ABCB4: variants seen among roughly 807,000 people sequenced by gnomAD.
ABCB4 encodes ATP binding cassette subfamily B member 4, also known as phosphatidylcholine translocator ABCB4.
Under a neutral mutation model 145.7 loss-of-function variants are expected in ABCB4, and 76 were observed. The ratio of observed to expected loss-of-function variants is 0.52; its 90% CI spans 0.43 to 0.63. ABCB4 has a LOEUF of 0.63. Ranked by LOEUF, ABCB4 falls within the 30% of genes least tolerant of loss-of-function variation. The pLI is 0.00. For missense variants in ABCB4, 1,234 were observed against 1,553.1 expected (o/e 0.79, Z 3.45); for synonymous variants, 517 against 566.8 (o/e 0.91, Z 1.25).
chr7:87,367,264 T>A, the ABCB4 span, among the ~76,000 whole-genome samples: 1 of 152,160 alleles, frequency 6.6e-6, no homozygotes, highest in Admixed American at 6.5e-5. Context: ...GATGGAAGTA[T>A]GAGAAGGTTA....
intron 4 of ABCB4, among the ~76,000 whole-genome samples, chr7:87,455,372 T>G (rs1812039345): frequency 6.6e-6 from 1 of 152,380 alleles, no homozygotes; most frequent in East Asian, 1.9e-4. Flanking sequence ...GAGCATTTAT[T>G]AAATACCAGG....
At position 87,413,647 on chromosome 7, in the gene ABCB4, A is replaced by G. The variant is rs1231534664; in HGVS notation, c.2753T>C (p.Met918Thr). The G allele has an allele frequency of 1.1e-5, 17 of 1,611,690 alleles. No individual in the cohort carries two copies. The highest frequency in any genetic ancestry group is 1.4e-5 in the Non-Finnish European group (16 of 1,178,746). ...AGGTCCATACAATTTTTCAACATAC[A>G]TTGATTCAAATTTTCTTTCCTGGGT... ...SLTQERKFES[M>T]YVEKLYGPYR... Residue 918 changes from methionine (M) to threonine (T), a missense_variant, in exon 22 of 28, where the codon ATG becomes ACG. Met to Thr is a moderately conservative substitution (Grantham distance 81). This residue lies in a region of ABCB4 where 301 missense variants were observed against 389.0 expected (regional missense o/e 0.77). Coordinates refer to ENST00000649586, the MANE Select transcript of ABCB4 (RefSeq NM_000443.4).
chr7:87,403,386 G>A (rs1258821438), intron 26 of ABCB4, 105 bp from the exon 27 acceptor site: 13 of 1,132,792 alleles, frequency 1.1e-5, no homozygotes, highest in Middle Eastern at 2.9e-4. Flanking sequence ...TTTCTATAAC[G>A]TTGTTTCAAC....
Position 87,409,487 on chromosome 7 carries a change from C to A in ABCB4, c.2925-95G>T. Reference sequence around the variant, plus strand: ...GTATAGTGCTTACCAGTATTTTTTCCCTTTACTCCTTAATCATCCCCTTTC... The same window carrying A: ...GTATAGTGCTTACCAGTATTTTTTCACTTTACTCCTTAATCATCCCCTTTC... On this transcript the variant is annotated intron_variant, in intron 23 of 27. Coordinates refer to ENST00000649586, the MANE Select transcript of ABCB4 (RefSeq NM_000443.4). 3 of 1,262,722 alleles carry A rather than the reference C, an allele frequency of 2.4e-6. No individual in the cohort carries two copies. In the South Asian group the frequency reaches 3.7e-5, roughly 15 times the overall value. 78.2% of individuals were successfully genotyped at this position (1,262,722 alleles called of 1,614,324 possible). A position where few individuals can be genotyped will look rare whatever the true frequency, so the allele number is the denominator to read the frequency against.
At chr7:87,428,777 T>C (rs1314198787) in intron 15 of ABCB4, among the ~76,000 whole-genome samples, 1 of 152,176 alleles carries the variant, frequency 6.6e-6, no homozygotes, top group Non-Finnish European at 1.5e-5. Context: ...ATCTTATAAA[T>C]AGTTAAATTT....
the ABCB4 span, chr7:87,381,856 T>C: frequency 3.0e-5 from 37 of 1,251,838 alleles, no homozygotes; most frequent in South Asian, 1.3e-5. Context: ...AAATATTGGG[T>C]CAAGTTTTAA....
the ABCB4 span, chr7:87,381,946 A>G: frequency 6.2e-7 from 1 of 1,610,846 alleles, no homozygotes; most frequent in Non-Finnish European, 8.5e-7. Flanking sequence ...GGTGAACATC[A>G]GTTATTATGT....
the ABCB4 span, among the ~76,000 whole-genome samples, chr7:87,376,286 A>G: frequency 6.6e-6 from 1 of 152,072 alleles, no homozygotes; most frequent in Non-Finnish European, 1.5e-5. Flanking sequence ...TTTCTTGCCA[A>G]AGGTGAAATG....
intron 9 of ABCB4, among the ~76,000 whole-genome samples, chr7:87,446,055 C>A (rs1452180833): frequency 6.6e-6 from 1 of 152,178 alleles, no homozygotes; most frequent in Non-Finnish European, 1.5e-5. Context: ...TAGCAAGCTT[C>A]CAAACCGACT....
Position 87,417,466 on chromosome 7 carries a change from C to A in ABCB4, c.2528G>T (p.Gly843Val), listed in dbSNP as rs1005814441. The change falls in exon 21 of 28, where the codon GGA becomes GTA. Residue 843 changes from glycine to valine, a missense_variant. Gly to Val is a moderately radical substitution (Grantham distance 109, BLOSUM62 -3). Transcript: ENST00000649586. ...ALIAQNIANL[G>V]TGIIISFIYG... ...GATAAATGATATGATAATACCAGTT[C>A]CAAGGTTAGCTATATTCTGTGCAAT... 6.2e-7 allele frequency: 1 copy of A among 1,614,126 alleles called. No homozygotes were observed. Among genetic ancestry groups the A allele is most frequent in the Non-Finnish European group, 8.5e-7 (1 of 1,180,024 alleles).
chr7:87,435,270 G>A (rs1213585535), intron 14 of ABCB4, among the ~76,000 whole-genome samples: 1 of 152,202 alleles, frequency 6.6e-6, no homozygotes, highest in Non-Finnish European at 1.5e-5. Context: ...ACCTTGCAGT[G>A]TGGAGCCAAT....
chr7:87,369,347 A>G, the ABCB4 span: 2 of 1,481,394 alleles, frequency 1.4e-6, no homozygotes, highest in Non-Finnish European at 1.9e-6. Flanking sequence ...CTTAGATTTG[A>G]GTCTTGTGTT....
At chr7:87,468,024 A>AAGG (rs1280739037) in intron 3 of ABCB4, among the ~76,000 whole-genome samples, 1 of 152,214 alleles carries the variant, frequency 6.6e-6, no homozygotes, top group African/African-American at 2.4e-5. Context: ...AAGCTAGCAG[A>AAGG]AGGCAAGAAA....
intron 7 of ABCB4, among the ~76,000 whole-genome samples, chr7:87,450,408 A>T (rs1811634442): frequency 6.6e-6 from 1 of 152,156 alleles, no homozygotes; most frequent in Non-Finnish European, 1.5e-5. Context: ...TGTAAGGTAA[A>T]ATAAAATAAA....
At chr7:87,436,700 C>T (rs538625475) in intron 14 of ABCB4, among the ~76,000 whole-genome samples, 2 of 152,202 alleles carry the variant, frequency 1.3e-5, no homozygotes, top group Admixed American at 6.5e-5. Flanking sequence ...GGAGCAGAAT[C>T]AGGCCTTAAT....
chr7:87,369,483 AG>A, the ABCB4 span: 2 of 1,604,476 alleles, frequency 1.2e-6, no homozygotes, highest in African/African-American at 1.3e-5. Flanking sequence ...AGAGCTTCTC[AG>A]GTTTTCAGAC....
chr7:87,382,136 A>G, the ABCB4 span: 2 of 1,613,636 alleles, frequency 1.2e-6, no homozygotes, highest in Admixed American at 1.7e-5. Flanking sequence ...TGGATGAGAA[A>G]GTTTTAAATG....
chr7:87,385,122 A>G, the ABCB4 span, among the ~76,000 whole-genome samples: 1 of 149,490 alleles, frequency 6.7e-6, no homozygotes, highest in Non-Finnish European at 1.5e-5. Flanking sequence ...AAGTTTGGTA[A>G]TGTGATACCT....
chr7:87,381,845 A>G, the ABCB4 span: 2 of 1,124,860 alleles, frequency 1.8e-6, no homozygotes, highest in Non-Finnish European at 2.6e-6. Flanking sequence ...AAGTGAAAAT[A>G]AAATATTGGG....
Sources: allele counts gnomAD v4.1 joint callset (sites outside exome capture counted in the v4.1 genomes callset), GRCh38; gene constraint gnomAD v4.1.1; regional missense constraint gnomAD v4.1.1; transcripts MANE v1.5; gene names NCBI Gene and HGNC (gene_info 2026-07-23, HGNC 2026-07-21).